USP22: variants seen among roughly 807,000 people sequenced by gnomAD.
USP22 encodes ubiquitin carboxyl-terminal hydrolase 22.
A neutral mutation model predicts 68.1 loss-of-function variants in USP22; 22 were observed. That is an observed-to-expected ratio of 0.32 (90% CI 0.23 to 0.46). USP22 has a LOEUF of 0.46. USP22 is among the 20% of genes least tolerant of loss of function. The pLI, the probability that USP22 is intolerant of heterozygous loss-of-function variation, is 1.00. For synonymous variants in USP22, 279 were observed against 274.2 expected (o/e 1.02, Z -0.17); for missense variants, 433 against 695.8 (o/e 0.62, Z 4.25).
chr17:21,040,374 A>G (rs62058991), intron 1 of USP22, among the ~76,000 whole-genome samples: 24,144 of 152,112 alleles, frequency 0.16, 2,381 homozygotes, highest in South Asian at 0.24. Flanking sequence ...ATACAGGTAA[A>G]TAAGTCCCCC....
chr17:21,017,895 AAACAAAGTAACAGAAATGTTC>A, intron 5 of USP22, 26 bp downstream of exon 5: 2 of 1,598,536 alleles, frequency 1.3e-6, no homozygotes, highest in Non-Finnish European at 1.7e-6. Context: ...TTGAAGGTGA[AAACAAAGTAACAGAAATGTTC>A]CCCTGCAGAA....
intron 1 of USP22, among the ~76,000 whole-genome samples, chr17:21,040,528 A>G (rs564094135): frequency 6.6e-6 from 1 of 152,164 alleles, no homozygotes; most frequent in Middle Eastern, 3.4e-3. Context: ...TGAATAACAT[A>G]CATGTGGCTC....
At chr17:21,010,198 T>C (rs1913911057) in intron 8 of USP22, among the ~76,000 whole-genome samples, 1 of 152,172 alleles carries the variant, frequency 6.6e-6, no homozygotes, top group South Asian at 2.1e-4. Flanking sequence ...TTGGTCGTGC[T>C]GACTATGCAG....
chr17:21,027,304 A>AAAAAAAAAAC (rs1972234315), intron 2 of USP22, among the ~76,000 whole-genome samples: 1 of 144,714 alleles, frequency 6.9e-6, no homozygotes, highest in Non-Finnish European at 1.6e-5. Context: ...AAAAAAAAAA[A>AAAAAAAAAAC]AAAAAATCAG....
upstream of USP22, chr17:21,043,025 C>T (rs1317274101): frequency 6.6e-6 from 2 of 304,944 alleles, no homozygotes; most frequent in Non-Finnish European, 1.2e-5. Context: ...GGCACCGCCC[C>T]CGAGCTGCGG....
In USP22 at chr17:21,001,642, T is replaced by C. The variant is rs888816770; in HGVS notation, c.*1389A>G. ...ATCTGCCCACCGCTGAGACAGATGA[T>C]CCTGTTCCTGCAGGACTGAAGAAGC... On this transcript the variant is annotated 3_prime_UTR_variant, in exon 13 of 13. Transcript: ENST00000261497. The C allele has an allele frequency of 6.6e-6, 1 of 152,228 alleles. No individual in the cohort carries two copies. The highest frequency in any genetic ancestry group is 1.5e-5 in the Non-Finnish European group (1 of 68,058). The allele number at this position is 152,228 out of a possible 1,614,324, so 9.4% of individuals were successfully genotyped here. A position where few individuals can be genotyped will look rare whatever the true frequency, so the allele number is the denominator to read the frequency against.
intron 1 of USP22, among the ~76,000 whole-genome samples, chr17:21,035,761 T>C (rs1165398769): frequency 6.6e-6 from 1 of 151,988 alleles, no homozygotes; most frequent in African/African-American, 2.4e-5. Context: ...CTGGGCGCGG[T>C]GGCTCACGCC....
At chr17:21,035,767 A>G (rs1415386365) in intron 1 of USP22, among the ~76,000 whole-genome samples, 1 of 152,172 alleles carries the variant, frequency 6.6e-6, no homozygotes, top group Non-Finnish European at 1.5e-5. Context: ...GCGGTGGCTC[A>G]CGCCTGTAAT....
rs996938796 is a variant in USP22, at chr17:21,015,623, C to T, written c.838+129G>A. On this transcript the variant is annotated intron_variant, in intron 6 of 12. Transcript: ENST00000261497. Reference sequence around the variant, plus strand: ...CTTCAGAAACAAATGACGACAAGGGCTATGATGACAAAACAATGGAATGTG... The same window carrying T: ...CTTCAGAAACAAATGACGACAAGGGTTATGATGACAAAACAATGGAATGTG... 157 of 1,288,068 alleles carry T rather than the reference C, an allele frequency of 1.2e-4. 2 individuals carry two copies. The East Asian group carries it at 4.1e-3, about 34-fold the overall frequency. 79.8% of individuals were successfully genotyped at this position (1,288,068 alleles called of 1,614,324 possible).
upstream of USP22, chr17:21,043,303 C>CCCCCCCCCCCCCCCCCCCCCCCCCCCG (rs1567596626): frequency 1.9e-5 from 1 of 53,672 alleles, no homozygotes; most frequent in Non-Finnish European, 5.1e-5. Context: ...TAGGCCACCC[C>CCCCCCCCCCCCCCCCCCCCCCCCCCCG]CCCCCCCCCC....
chr17:21,006,885 A>AC lies in USP22; in HGVS notation c.1322+10dup, dbSNP rs753606589. 1 of 1,593,816 alleles carries AC rather than the reference A, an allele frequency of 6.3e-7. No individual in the cohort carries two copies. The highest frequency in any genetic ancestry group is 1.1e-5 in the South Asian group (1 of 87,918). The stretch of plus-strand genomic sequence containing the variant: ...CCTCAGGACACAGAACGGGCCTACA[A>AC]CCCCACATACCTGGAGGCCATGAAA... On this transcript the variant is annotated intron_variant, in intron 10 of 12. Coordinates refer to ENST00000261497, the MANE Select transcript of USP22 (RefSeq NM_015276.2).
intron 1 of USP22, among the ~76,000 whole-genome samples, chr17:21,036,048 AAAAAAAAG>A (rs989488730): frequency 2.6e-5 from 4 of 151,428 alleles, no homozygotes; most frequent in African/African-American, 9.7e-5. Context: ...AAAAAAAAAA[AAAAAAAAG>A]GAATGAACTT....
chr17:21,017,549 G>T (rs1331768619), intron 5 of USP22, among the ~76,000 whole-genome samples: 3 of 152,250 alleles, frequency 2.0e-5, no homozygotes, highest in Admixed American at 2.0e-4. Context: ...TGCTTAGAGA[G>T]ACCTGGCGGT....
At chr17:21,032,533 G>A (rs746146390) in intron 1 of USP22, among the ~76,000 whole-genome samples, 11 of 152,198 alleles carry the variant, frequency 7.2e-5, no homozygotes, top group South Asian at 2.1e-4. Context: ...AATTTGAGAT[G>A]AAATTTCTGT....
chr17:21,028,145 A>T (rs1972244947), intron 2 of USP22, among the ~76,000 whole-genome samples: 1 of 152,200 alleles, frequency 6.6e-6, no homozygotes, highest in Non-Finnish European at 1.5e-5. Context: ...TGAAGGCCAT[A>T]AAATCACCTA....
chr17:21,014,758 A>C (rs1914078969), intron 6 of USP22, among the ~76,000 whole-genome samples: 1 of 152,154 alleles, frequency 6.6e-6, no homozygotes, highest in African/African-American at 2.4e-5. Context: ...AAAAGACTCC[A>C]AGTTAAAATT....
intron 5 of USP22, among the ~76,000 whole-genome samples, chr17:21,017,365 T>C (rs978331162): frequency 1.3e-5 from 2 of 152,214 alleles, no homozygotes; most frequent in East Asian, 1.9e-4. Context: ...CTGAGAAGCA[T>C]GTCTAGGTCA....
intron 2 of USP22, among the ~76,000 whole-genome samples, chr17:21,023,412 G>C (rs1457581844): frequency 6.6e-6 from 1 of 152,120 alleles, no homozygotes. Context: ...CAGCACTTTG[G>C]GAGGCTGAGG....
chr17:21,042,606 C>T (rs976092594), intron 1 of USP22, 59 bp downstream of exon 1: 9 of 1,258,106 alleles, frequency 7.2e-6, no homozygotes, highest in Non-Finnish European at 9.0e-6. Context: ...CCTCCGCCGG[C>T]CGGCCTCAGG....
Sources: allele counts gnomAD v4.1 joint callset (sites outside exome capture counted in the v4.1 genomes callset), GRCh38; gene constraint gnomAD v4.1.1; transcripts MANE v1.5; gene names NCBI Gene and HGNC (gene_info 2026-07-23, HGNC 2026-07-21).